Variants in EVI5L observed in about 807,000 individuals in gnomAD.
EVI5L encodes ecotropic viral integration site 5 like.
EVI5L carries 30 observed loss-of-function variants against 106.1 expected under a neutral mutation model. That is an observed-to-expected ratio of 0.28 (90% CI 0.21 to 0.38). The LOEUF is 0.38. Ranked by LOEUF, EVI5L falls within the 10% of genes least tolerant of loss-of-function variation. The probability of loss-of-function intolerance (pLI) is 1.00; values close to 1 mark genes in which losing one functional copy is unlikely to be tolerated. For synonymous variants in EVI5L, 489 were observed against 483.3 expected (o/e 1.01, Z -0.15); for missense variants, 809 against 1,098.0 (o/e 0.74, Z 3.72).
At chr19:7,841,984 C>T (rs1235072163) in intron 1 of EVI5L, among the ~76,000 whole-genome samples, 15 of 152,078 alleles carry the variant, frequency 9.9e-5, no homozygotes, top group Admixed American at 7.9e-4. Flanking sequence ...GAGCGCTGCT[C>T]GGTGCAGGAA....
rs576283845 is a variant in EVI5L at position 7,850,366 on chromosome 19, G to T, written c.753+244G>T. Among the ~76,000 whole-genome samples, 9 of 152,188 alleles carry T rather than the reference G, an allele frequency of 5.9e-5. No individual in the cohort carries two copies. Among genetic ancestry groups the T allele is most frequent in the Admixed American group, 3.3e-4 (5 of 15,290 alleles). Reference sequence around the variant, plus strand: ...AGGAACAGGAGAGCCACCACTGAAGGGGGGCTCCCAGGGCTGCTGAGGCAG... The same window carrying T: ...AGGAACAGGAGAGCCACCACTGAAGTGGGGCTCCCAGGGCTGCTGAGGCAG... On this transcript the variant is annotated intron_variant, in intron 6 of 19. Transcript: ENST00000538904. The surrounding 1 kb of genome is among the most constrained non-coding windows in gnomAD (Gnocchi z 5.4).
chr19:7,834,970 A>G (rs1392890836), intron 1 of EVI5L, among the ~76,000 whole-genome samples: 1 of 151,946 alleles, frequency 6.6e-6, no homozygotes, highest in Admixed American at 6.6e-5. Context: ...TGCAATAATA[A>G]TAATAATAAT....
chr19:7,846,549 A>C lies in EVI5L; in HGVS notation c.7A>C (p.Ser3Arg), dbSNP rs1456587698. The C allele has an allele frequency of 6.2e-7, 1 of 1,609,052 alleles. No homozygotes were observed. The highest frequency in any genetic ancestry group is 1.7e-5 in the Admixed American group (1 of 58,558). Residue 3 changes from serine to arginine, a missense_variant, in exon 2 of 20, where the codon AGC becomes CGC. Physicochemically the swap from Ser to Arg is moderately radical, Grantham distance 110 (BLOSUM62 -1). Around this residue, in one of 2 missense-constraint regions of EVI5L, gnomAD observed 357 missense variants for 588.1 expected, o/e 0.61. Coordinates refer to ENST00000538904, the MANE Select transcript of EVI5L (RefSeq NM_001159944.3). MA[S>R]PTLSPDSSSQ... ...GCTAACAAGCCCACCCACCATGGCG[A>C]GCCCCACTCTGAGCCCCGACTCCTC...
In EVI5L at chr19:7,859,573, C is replaced by T. The variant is rs115120958; in HGVS notation, c.1375-988C>T. 6.5e-3 allele frequency among the ~76,000 whole-genome samples: 997 copies of T among 152,364 alleles called. 9 individuals are homozygous for T. The highest frequency in any genetic ancestry group is 0.023 in the African/African-American group (946 of 41,582). ...ATGAACCACATCCGTATGATGCTGG[C>T]GTTGTGGCCCTCAGAGTCTGTGAGC... is the stretch of plus-strand genomic sequence containing the variant. On this transcript the variant is annotated intron_variant, in intron 13 of 19. Coordinates refer to ENST00000538904, the MANE Select transcript of EVI5L (RefSeq NM_001159944.3).
chr19:7,858,467 A>G lies in EVI5L; in HGVS notation c.1374+136A>G, dbSNP rs1599577944. 1 of 1,158,180 alleles carries G rather than the reference A, an allele frequency of 8.6e-7. No individual in the cohort carries two copies. The highest frequency in any genetic ancestry group is 2.6e-5 in the East Asian group (1 of 37,856). 71.7% of individuals were successfully genotyped at this position (1,158,180 alleles called of 1,614,324 possible). The stretch of plus-strand genomic sequence containing the variant: ...TCCTGTTCCTTTCTGGGGTAAGGGG[A>G]ACCCAGAGACAAGCGCAGATTCTCC... On this transcript the variant is annotated intron_variant, in intron 13 of 19. Transcript: ENST00000538904. This position sits in a 1 kb window ranked among gnomAD's most constrained non-coding sequence, Gnocchi z 5.7.
At chr19:7,855,122 T>G (rs952770395) in intron 10 of EVI5L, among the ~76,000 whole-genome samples, 1 of 150,906 alleles carries the variant, frequency 6.6e-6, no homozygotes, top group Non-Finnish European at 1.5e-5. Flanking sequence ...TTCTTTTTTT[T>G]TTTTTTTTTT....
chr19:7,837,057 G>A (rs1003355768), intron 1 of EVI5L, among the ~76,000 whole-genome samples: 7 of 151,134 alleles, frequency 4.6e-5, no homozygotes, highest in African/African-American at 1.5e-4. Flanking sequence ...ATGGCCAGTT[G>A]TGGTGGCTCA....
chr19:7,833,032 A>G (rs1978300415), intron 1 of EVI5L, among the ~76,000 whole-genome samples: 1 of 152,180 alleles, frequency 6.6e-6, no homozygotes, highest in African/African-American at 2.4e-5. Context: ...GTGCAGAGAC[A>G]GTGGGGTATG....
In EVI5L at chr19:7,846,665, C is replaced by T. The variant is rs764009186; in HGVS notation, c.123C>T (p.Leu41=). 9 of 1,612,704 alleles carry T rather than the reference C, an allele frequency of 5.6e-6. No homozygotes were observed. Among genetic ancestry groups the T allele is most frequent in the Admixed American group, 1.7e-5 (1 of 59,874 alleles). ...ATGAGCTGGAGCTGCTGGCCAAGCTCGAAGAGCAGAACCGGTGAGTTGGGG... is the reference window on the plus strand; with the variant it reads ...ATGAGCTGGAGCTGCTGGCCAAGCTTGAAGAGCAGAACCGGTGAGTTGGGG... ...SPDELELLAK[L]EEQNRLLEAD... The change falls in exon 2 of 20, where the codon CTC becomes CTT. Residue 41 remains leucine (L), a synonymous_variant. Transcript: ENST00000538904.
chr19:7,858,732 A>C lies in EVI5L; in HGVS notation c.1374+401A>C. ...GGTGTCCCTGGGGGGCCAGCCATGG[A>C]GAATGGGAGCAGGGCAGTCCGGGAC... On this transcript the variant is annotated intron_variant, in intron 13 of 19. Transcript: ENST00000538904. This position sits in a 1 kb window ranked among gnomAD's most constrained non-coding sequence, Gnocchi z 5.7. The C allele has an allele frequency of 4.8e-6, 1 of 210,112 alleles. No individual in the cohort carries two copies. The highest frequency in any genetic ancestry group is 9.6e-6 in the Non-Finnish European group (1 of 104,222). 13.0% of individuals were successfully genotyped at this position (210,112 alleles called of 1,614,324 possible). A position where few individuals can be genotyped will look rare whatever the true frequency, so the allele number is the denominator to read the frequency against.
chr19:7,841,323 C>T lies in EVI5L; in HGVS notation c.-47-5173C>T, dbSNP rs114253987. On this transcript the variant is annotated intron_variant, in intron 1 of 19. Coordinates refer to ENST00000538904, the MANE Select transcript of EVI5L (RefSeq NM_001159944.3). ...CATCAAGATCAAGGCCAAGGAGGGA[C>T]CCAGGGAGGAAGAGATGCCACGTGG... is the stretch of plus-strand genomic sequence containing the variant. 1.6e-3 allele frequency among the ~76,000 whole-genome samples: 238 copies of T among 152,080 alleles called. 1 individual carries two copies. The highest frequency in any genetic ancestry group is 4.8e-3 in the African/African-American group (199 of 41,498).
intron 8 of EVI5L, among the ~76,000 whole-genome samples, chr19:7,852,060 G>A (rs537483133): frequency 2.0e-5 from 3 of 152,138 alleles, no homozygotes; most frequent in South Asian, 4.1e-4. Context: ...CCCCAACCCC[G>A]CAGATGCCCC....
intron 8 of EVI5L, 106 bp from the exon 9 acceptor site, chr19:7,852,980 C>A: frequency 1.9e-6 from 2 of 1,065,404 alleles, no homozygotes; most frequent in Non-Finnish European, 2.8e-6. Flanking sequence ...TGGCGACACC[C>A]CGGGCAGACC....
chr19:7,843,067 G>A (rs545048977), intron 1 of EVI5L, among the ~76,000 whole-genome samples: 23 of 151,674 alleles, frequency 1.5e-4, no homozygotes, highest in Admixed American at 1.4e-3. Context: ...TCGAGTATGT[G>A]CATGTGTGTG....
At position 7,863,263 on chromosome 19, in the gene EVI5L, G is replaced by C. The variant is rs1224445589; in HGVS notation, c.2122G>C (p.Glu708Gln). ...CATCCGCGAGCTCAAGGACCAGATC[G>C]AGGAGCTGAAGGCCGAGGTGAGCCG... Reference protein sequence around the residue: ...QYIRELKDQIEELKAEVRLLK... With the variant: ...QYIRELKDQIQELKAEVRLLK... Residue 708 changes from glutamate to glutamine, a missense_variant, in exon 19 of 20, where the codon GAG becomes CAG. By Grantham distance (29) the Glu-to-Gln change is conservative. Coordinates refer to ENST00000538904, the MANE Select transcript of EVI5L (RefSeq NM_001159944.3). The surrounding 1 kb of genome is among the most constrained non-coding windows in gnomAD (Gnocchi z 7.7). The C allele has an allele frequency of 3.2e-6, 5 of 1,558,502 alleles. No individual in the cohort carries two copies. The Admixed American group carries it at 7.8e-5, about 24-fold the overall frequency.
rs1417789676 is a variant in EVI5L, at chr19:7,850,090, C to G, written c.721C>G (p.Leu241Val). The G allele has an allele frequency of 1.9e-6, 3 of 1,605,536 alleles. No individual in the cohort carries two copies. In the Admixed American group the frequency reaches 5.1e-5, roughly 27 times the overall value. Residue 241 changes from leucine to valine, a missense_variant, in exon 6 of 20, where the codon CTC becomes GTC. By Grantham distance (32) the Leu-to-Val change is conservative (BLOSUM62 1). Transcript: ENST00000538904. This position sits in a 1 kb window ranked among gnomAD's most constrained non-coding sequence, Gnocchi z 5.4. ...LFKPSMAELG[L>V]CIYQFEYMLQ... ...CAAACCCAGCATGGCCGAGCTCGGG[C>G]TCTGCATCTATCAGTTCGAGTACAT...
Position 7,863,051 on chromosome 19 carries a change from C to A in EVI5L, c.2027C>A (p.Ala676Asp). The A allele has an allele frequency of 6.4e-7, 1 of 1,564,838 alleles. No homozygotes were observed. The highest frequency in any genetic ancestry group is 8.6e-7 in the Non-Finnish European group (1 of 1,162,558). ...AAVAEMRQRI[A>D]ELEIQREEGR... Reference sequence around the variant, plus strand: ...GTGGCCGAGATGCGGCAGCGCATTGCCGAGCTGGAGATCCAGGTGATCGGC... The same window carrying A: ...GTGGCCGAGATGCGGCAGCGCATTGACGAGCTGGAGATCCAGGTGATCGGC... The change falls in exon 18 of 20, where the codon GCC (alanine) becomes GAC (aspartate). Residue 676 changes from alanine (A) to aspartate (D), a missense_variant. This residue lies in a region of EVI5L where 452 missense variants were observed against 509.9 expected (regional missense o/e 0.89). Transcript: ENST00000538904. The surrounding 1 kb of genome is among the most constrained non-coding windows in gnomAD (Gnocchi z 7.7).
Position 7,849,064 on chromosome 19 carries a change from C to T in EVI5L, c.471C>T (p.Asp157=). ...CGTGCGAGAAGCTGATCCGCAGGGACATCGCCCGCACCTACCCGGAACATG... is the reference window on the plus strand; with the variant it reads ...CGTGCGAGAAGCTGATCCGCAGGGATATCGCCCGCACCTACCCGGAACATG... ...SSPCEKLIRR[D]IARTYPEHEF... Residue 157 remains aspartate, a synonymous_variant, in exon 4 of 20, where the codon GAC becomes GAT. Transcript: ENST00000538904. 6.2e-7 allele frequency: 1 copy of T among 1,612,660 alleles called. No homozygotes were observed. The highest frequency in any genetic ancestry group is 8.5e-7 in the Non-Finnish European group (1 of 1,179,514).
Position 7,858,230 on chromosome 19 carries a change from G to A in EVI5L, c.1273G>A (p.Val425Ile), listed in dbSNP as rs1363555223. Residue 425 changes from valine to isoleucine, a missense_variant, in exon 13 of 20, where the codon GTC becomes ATC. Coordinates refer to ENST00000538904, the MANE Select transcript of EVI5L (RefSeq NM_001159944.3). The surrounding 1 kb of genome is among the most constrained non-coding windows in gnomAD (Gnocchi z 5.7). ...GGCGCAGGAGGCGGAGGAGAACTAC[G>A]TCATCAAGCGGGAGCTGGCGGTGGT... ...TRAQEAEENY[V>I]IKRELAVVRQ... The A allele has an allele frequency of 1.9e-6, 3 of 1,567,962 alleles. No individual in the cohort carries two copies. Among genetic ancestry groups the A allele is most frequent in the African/African-American group, 1.4e-5 (1 of 73,996 alleles).
Sources: gnomAD v4.1 joint callset for allele counts (sites outside exome capture counted in the v4.1 genomes callset) on GRCh38, gnomAD v4.1.1 for gene constraint, gnomAD v4.1.1 regional missense constraint, Gnocchi (gnomAD v3.1) non-coding constraint, MANE v1.5 for transcripts, NCBI Gene and HGNC (gene_info 2026-07-23, HGNC 2026-07-21) for gene names.